ARHGAP15: variants seen among roughly 807,000 people sequenced by gnomAD.
The protein encoded by ARHGAP15 is Rho GTPase activating protein 15.
In ARHGAP15, 51 loss-of-function variants were observed where a neutral mutation model predicts 63.7. The ratio of observed to expected loss-of-function variants is 0.80; its 90% CI spans 0.64 to 1.01. The LOEUF is 1.01. Ranked by LOEUF, ARHGAP15 falls within the 50% of genes least tolerant of loss-of-function variation. The pLI, the probability that ARHGAP15 is intolerant of heterozygous loss-of-function variation, is 0.00. For missense variants in ARHGAP15, 560 were observed against 564.6 expected (o/e 0.99, Z 0.08); for synonymous variants, 191 against 193.8 (o/e 0.99, Z 0.12).
intron 4 of ARHGAP15, among the ~76,000 whole-genome samples, chr2:143,220,555 G>A (rs1360382245): frequency 6.6e-6 from 1 of 152,110 alleles, no homozygotes; most frequent in Non-Finnish European, 1.5e-5. Context: ...TGCATTACTT[G>A]ATCAAATCAC....
intron 6 of ARHGAP15, among the ~76,000 whole-genome samples, chr2:143,294,792 G>A (rs1323993770): frequency 2.6e-5 from 4 of 152,144 alleles, no homozygotes; most frequent in African/African-American, 9.6e-5. Flanking sequence ...CCAGCCAATG[G>A]CTCTTGTTAC....
At chr2:143,452,298 T>C (rs1165524494) in intron 8 of ARHGAP15, among the ~76,000 whole-genome samples, 1 of 151,986 alleles carries the variant, frequency 6.6e-6, no homozygotes, top group East Asian at 1.9e-4. Flanking sequence ...AACACTTTGA[T>C]ATAGGTAGGA....
intron 6 of ARHGAP15, among the ~76,000 whole-genome samples, chr2:143,402,600 T>C (rs1222581533): frequency 2.0e-5 from 3 of 151,672 alleles, no homozygotes; most frequent in African/African-American, 7.3e-5. Flanking sequence ...TGGGGACTAT[T>C]TTGAGATGTG....
chr2:143,571,419 A>G (rs963339673), intron 11 of ARHGAP15, among the ~76,000 whole-genome samples: 3 of 152,216 alleles, frequency 2.0e-5, no homozygotes, highest in South Asian at 2.1e-4. Flanking sequence ...TACCCACTTT[A>G]TAGATGAACT....
intron 6 of ARHGAP15, among the ~76,000 whole-genome samples, chr2:143,385,282 T>C (rs562696454): frequency 2.6e-5 from 4 of 152,084 alleles, no homozygotes; most frequent in African/African-American, 9.7e-5. Context: ...GAAGACAAGA[T>C]AAATAGATGG....
At chr2:143,531,073 A>G (rs1411360703) in intron 10 of ARHGAP15, among the ~76,000 whole-genome samples, 1 of 151,586 alleles carries the variant, frequency 6.6e-6, no homozygotes, top group Admixed American at 6.6e-5. Flanking sequence ...TTTTTCACAG[A>G]GACTACACTT....
chr2:143,723,617 G>T lies in ARHGAP15; in HGVS notation c.1244+20093G>T, dbSNP rs555801520. 2.0e-5 allele frequency among the ~76,000 whole-genome samples: 3 copies of T among 152,276 alleles called. No homozygotes were observed. The South Asian group carries it at 6.2e-4, about 32-fold the overall frequency. On this transcript the variant is annotated intron_variant, in intron 13 of 13. Coordinates refer to ENST00000295095, the MANE Select transcript of ARHGAP15 (RefSeq NM_018460.4). ...CCACTGATAAAACCAGGTCATCTGT[G>T]TACTCTTACTGAGCACCTACTGTAT...
chr2:143,153,465 A>G (rs2105005059), intron 1 of ARHGAP15, among the ~76,000 whole-genome samples: 1 of 152,182 alleles, frequency 6.6e-6, no homozygotes, highest in Admixed American at 6.6e-5. Flanking sequence ...TAAAAAGGAA[A>G]ATAAGAGCAA....
At chr2:143,261,712 C>A (rs1161353424) in intron 6 of ARHGAP15, among the ~76,000 whole-genome samples, 2 of 152,064 alleles carry the variant, frequency 1.3e-5, no homozygotes, top group African/African-American at 4.8e-5. Flanking sequence ...ATCATATTTG[C>A]CTTCTGGCTT....
intron 13 of ARHGAP15, among the ~76,000 whole-genome samples, chr2:143,717,051 A>T (rs1284877630): frequency 6.6e-6 from 1 of 152,208 alleles, no homozygotes; most frequent in Non-Finnish European, 1.5e-5. Context: ...CCATGTCAAC[A>T]TTTATTAATG....
intron 10 of ARHGAP15, among the ~76,000 whole-genome samples, chr2:143,542,439 A>G (rs1051839644): frequency 5.9e-5 from 9 of 151,964 alleles, no homozygotes; most frequent in Non-Finnish European, 1.0e-4. Context: ...TCAGTTGGAA[A>G]TGCAGAAATC....
intron 9 of ARHGAP15, among the ~76,000 whole-genome samples, chr2:143,514,741 T>C (rs1382469463): frequency 6.6e-6 from 1 of 152,202 alleles, no homozygotes; most frequent in Admixed American, 6.5e-5. Context: ...TGGACTTGTC[T>C]CTTCACTGAG....
intron 8 of ARHGAP15, among the ~76,000 whole-genome samples, chr2:143,478,871 A>T (rs1691946270): frequency 6.6e-6 from 1 of 152,170 alleles, no homozygotes; most frequent in African/African-American, 2.4e-5. Context: ...CATGTCATGT[A>T]TGTTTTTCTG....
chr2:143,140,706 C>G (rs997405198), intron 1 of ARHGAP15, among the ~76,000 whole-genome samples: 2 of 151,416 alleles, frequency 1.3e-5, no homozygotes, highest in African/African-American at 4.9e-5. Flanking sequence ...GTTTAATTTT[C>G]CTTTGAGGAA....
chr2:143,652,129 T>C (rs936174425), intron 12 of ARHGAP15, among the ~76,000 whole-genome samples: 1 of 152,046 alleles, frequency 6.6e-6, no homozygotes, highest in Non-Finnish European at 1.5e-5. Context: ...GATATAAGTT[T>C]GAGAGTCAGA....
intron 13 of ARHGAP15, among the ~76,000 whole-genome samples, chr2:143,729,022 C>G (rs1333583102): frequency 6.6e-6 from 1 of 152,152 alleles, no homozygotes; most frequent in Non-Finnish European, 1.5e-5. Context: ...AAGTTTCCTC[C>G]GCGATGTACC....
intron 12 of ARHGAP15, among the ~76,000 whole-genome samples, chr2:143,681,845 G>T (rs545259795): frequency 6.6e-6 from 1 of 152,268 alleles, no homozygotes; most frequent in East Asian, 1.9e-4. Context: ...GGTGCCAGAG[G>T]CATGGCAAGC....
intron 6 of ARHGAP15, 144 bp from the exon 7 acceptor site, chr2:143,435,457 C>G: frequency 7.9e-7 from 1 of 1,264,086 alleles, no homozygotes; most frequent in South Asian, 1.9e-5. Context: ...GCTCCCAGTT[C>G]CCAGAAAGAC....
At chr2:143,312,569 T>A (rs1215175276) in intron 6 of ARHGAP15, among the ~76,000 whole-genome samples, 3 of 152,192 alleles carry the variant, frequency 2.0e-5, no homozygotes, top group African/African-American at 4.8e-5. Context: ...TAAACTTTTT[T>A]TATAGTGTAT....
Sources: allele counts gnomAD v4.1 joint callset (sites outside exome capture counted in the v4.1 genomes callset), GRCh38; gene constraint gnomAD v4.1.1; transcripts MANE v1.5; gene names NCBI Gene and HGNC (gene_info 2026-07-23, HGNC 2026-07-21).